Variants in GALNTL6 observed in about 807,000 individuals in gnomAD.
The protein encoded by GALNTL6 is polypeptide N-acetylgalactosaminyltransferase like 6, also known as polypeptide N-acetylgalactosaminyltransferase-like 6.
In GALNTL6, 46 loss-of-function variants were observed where a neutral mutation model predicts 73.7. The ratio of observed to expected loss-of-function variants is 0.62; its 90% CI spans 0.49 to 0.80. The LOEUF is 0.80. Among genes scored for constraint, GALNTL6 ranks in the 30% least tolerant of loss-of-function variants. The pLI is 0.00. For missense variants in GALNTL6, 604 were observed against 755.0 expected (o/e 0.80, Z 2.34); for synonymous variants, 259 against 263.7 (o/e 0.98, Z 0.17).
intron 2 of GALNTL6, among the ~76,000 whole-genome samples, chr4:171,963,827 G>A (rs539402163): frequency 1.6e-4 from 24 of 152,284 alleles, no homozygotes; most frequent in Admixed American, 1.2e-3. Flanking sequence ...TGAATTATCC[G>A]TGGGTTTCTT....
At chr4:172,984,675 G>C (rs2126441361) in intron 10 of GALNTL6, among the ~76,000 whole-genome samples, 1 of 152,292 alleles carries the variant, frequency 6.6e-6, no homozygotes, top group East Asian at 1.9e-4. Context: ...TGTGTTCACT[G>C]TCTGGGTGAC....
chr4:172,804,514 G>A (rs1740837659), intron 5 of GALNTL6, among the ~76,000 whole-genome samples: 1 of 152,130 alleles, frequency 6.6e-6, no homozygotes. Flanking sequence ...ATGTAAATTA[G>A]GAAATTCAAA....
intron 2 of GALNTL6, among the ~76,000 whole-genome samples, chr4:172,004,712 G>A (rs543176027): frequency 2.0e-5 from 3 of 151,890 alleles, no homozygotes; most frequent in African/African-American, 7.2e-5. Context: ...AACTTTAGGA[G>A]TAGCAAAATA....
chr4:171,988,608 C>T (rs550508962), intron 2 of GALNTL6, among the ~76,000 whole-genome samples: 521 of 152,162 alleles, frequency 3.4e-3, no homozygotes, highest in African/African-American at 9.3e-3. Flanking sequence ...CAAAACAATT[C>T]GGTTGATAAG....
In GALNTL6 at chr4:171,863,319, C is replaced by T. The variant is rs191403114; in HGVS notation, c.138+48601C>T. Among the ~76,000 whole-genome samples, 304 of 152,110 alleles carry T rather than the reference C, an allele frequency of 2.0e-3. 1 individual carries two copies. Among genetic ancestry groups the T allele is most frequent in the Non-Finnish European group, 3.7e-3 (253 of 67,972 alleles). ...TGCCTTTTTGGGATCTATTGTAGAC[C>T]TCTGTGTTTAACTAATATAACTATA... On this transcript the variant is annotated intron_variant, in intron 2 of 12. Coordinates refer to ENST00000506823, the MANE Select transcript of GALNTL6 (RefSeq NM_001034845.3).
At chr4:172,666,688 C>A (rs1263583345) in intron 5 of GALNTL6, 1 of 152,144 alleles carries the variant, frequency 6.6e-6, no homozygotes, top group Non-Finnish European at 1.5e-5. Context: ...TGAATGAGAA[C>A]CTAGTTTACT....
chr4:172,878,044 AATATT>A (rs1006627488), intron 7 of GALNTL6, among the ~76,000 whole-genome samples: 129 of 152,164 alleles, frequency 8.5e-4, no homozygotes, highest in African/African-American at 2.9e-3. Context: ...TCAAGTAATT[AATATT>A]ATATTTTAAG....
intron 10 of GALNTL6, among the ~76,000 whole-genome samples, chr4:172,953,588 T>C (rs554708184): frequency 1.5e-3 from 222 of 152,322 alleles, no homozygotes; most frequent in Middle Eastern, 3.4e-3. Flanking sequence ...GCAGTGTTCC[T>C]GGGTGAGCTG....
chr4:172,748,359 A>G (rs564057435), intron 5 of GALNTL6, among the ~76,000 whole-genome samples: 84 of 152,228 alleles, frequency 5.5e-4, no homozygotes, highest in Middle Eastern at 6.8e-3. Context: ...GAATGTTCAC[A>G]TCTTTGGATA....
intron 2 of GALNTL6, among the ~76,000 whole-genome samples, chr4:171,993,083 C>G (rs113791421): frequency 0.013 from 2,029 of 151,980 alleles, 39 homozygotes; most frequent in African/African-American, 0.045. Flanking sequence ...TCTGCCAACT[C>G]CCTCCCCAAC....
chr4:172,193,234 CAG>C (rs1735640479), intron 2 of GALNTL6, among the ~76,000 whole-genome samples: 1 of 152,218 alleles, frequency 6.6e-6, no homozygotes, highest in Admixed American at 6.5e-5. Context: ...CCCCCACCGA[CAG>C]GGGTCACTAG....
chr4:171,901,149 C>T (rs777146770), intron 2 of GALNTL6, among the ~76,000 whole-genome samples: 22 of 152,118 alleles, frequency 1.4e-4, no homozygotes, highest in Admixed American at 3.3e-4. Flanking sequence ...TACTAAAAGA[C>T]GGAAATGTTG....
chr4:172,222,513 G>C (rs1736712818), intron 2 of GALNTL6, among the ~76,000 whole-genome samples: 1 of 151,784 alleles, frequency 6.6e-6, no homozygotes, highest in Non-Finnish European at 1.5e-5. Flanking sequence ...TCTCATCTGG[G>C]ATGCTGAGGA....
At chr4:172,891,948 A>G (rs920045063) in intron 8 of GALNTL6, among the ~76,000 whole-genome samples, 1 of 151,984 alleles carries the variant, frequency 6.6e-6, no homozygotes, top group Admixed American at 6.5e-5. Flanking sequence ...TTCATAGTGA[A>G]TTTTTCAATT....
At chr4:172,055,046 TG>T (rs1730982813) in intron 2 of GALNTL6, among the ~76,000 whole-genome samples, 1 of 152,152 alleles carries the variant, frequency 6.6e-6, no homozygotes, top group Admixed American at 6.6e-5. Flanking sequence ...TAGAACTAAA[TG>T]CATGGAGACA....
chr4:172,316,479 T>C (rs574840597), intron 4 of GALNTL6, among the ~76,000 whole-genome samples: 1 of 152,344 alleles, frequency 6.6e-6, no homozygotes, highest in East Asian at 1.9e-4. Flanking sequence ...TTTAGCTTCA[T>C]GACTTTGACA....
chr4:172,897,653 G>A (rs1168648252), intron 8 of GALNTL6, among the ~76,000 whole-genome samples: 4 of 152,180 alleles, frequency 2.6e-5, no homozygotes, highest in South Asian at 2.1e-4. Flanking sequence ...AAACACGTAC[G>A]TTGGTGTTGG....
chr4:172,176,346 A>AAAAAAAAAAAAAAAAAAAAAAAAAAAAG (rs1463765997), intron 2 of GALNTL6, among the ~76,000 whole-genome samples: 3 of 147,800 alleles, frequency 2.0e-5, no homozygotes, highest in Non-Finnish European at 4.5e-5. Context: ...TCAAAAAAAA[A>AAAAAAAAAAAAAAAAAAAAAAAAAAAAG]AAAAAAAAAA....
intron 7 of GALNTL6, among the ~76,000 whole-genome samples, chr4:172,860,339 G>A (rs986004917): frequency 6.6e-6 from 1 of 152,120 alleles, no homozygotes; most frequent in Non-Finnish European, 1.5e-5. Context: ...GACAGCTTTT[G>A]TTTTTAAGAA....
Sources: allele counts gnomAD v4.1 joint callset (sites outside exome capture counted in the v4.1 genomes callset), GRCh38; gene constraint gnomAD v4.1.1; transcripts MANE v1.5; gene names NCBI Gene and HGNC (gene_info 2026-07-23, HGNC 2026-07-21).